SCFD2: variants seen among roughly 807,000 people sequenced by gnomAD.
SCFD2 encodes the protein sec1 family domain containing 2.
Under a neutral mutation model 58.9 loss-of-function variants are expected in SCFD2, and 54 were observed. That is an observed-to-expected ratio of 0.92 (90% CI 0.74 to 1.15). The LOEUF is 1.15. Among genes scored for constraint, SCFD2 ranks in the 50% most tolerant of loss-of-function variants. The pLI, the probability that SCFD2 is intolerant of heterozygous loss-of-function variation, is 0.00. For missense variants in SCFD2, 805 were observed against 836.6 expected, an observed-to-expected ratio of 0.96 and a Z score of 0.47; for synonymous variants, 321 against 335.9, an observed-to-expected ratio of 0.96 and a Z score of 0.49.
chr4:52,971,280 A>G (rs541414857), intron 5 of SCFD2, among the ~76,000 whole-genome samples: 8 of 152,320 alleles, frequency 5.3e-5, no homozygotes, highest in African/African-American at 1.9e-4. Context: ...AAAAAATTAG[A>G]CAAATGGCTA....
chr4:53,225,061 G>C (rs1306975552), intron 4 of SCFD2, among the ~76,000 whole-genome samples: 2 of 151,794 alleles, frequency 1.3e-5, no homozygotes, highest in Admixed American at 6.6e-5. Context: ...TTCCTAATTT[G>C]TCATTATTAT....
intron 5 of SCFD2, among the ~76,000 whole-genome samples, chr4:53,080,526 A>G (rs1243907655): frequency 6.6e-6 from 1 of 152,226 alleles, no homozygotes; most frequent in Non-Finnish European, 1.5e-5. Context: ...CTGATAATTT[A>G]CAGGTTCCAC....
intron 5 of SCFD2, among the ~76,000 whole-genome samples, chr4:52,975,042 T>C (rs1313213176): frequency 6.6e-5 from 10 of 152,150 alleles, no homozygotes; most frequent in Admixed American, 3.9e-4. Flanking sequence ...AAGACTTAAA[T>C]GTTAGACCTA....
chr4:53,305,286 A>G (rs1363942689), intron 3 of SCFD2, among the ~76,000 whole-genome samples: 1 of 152,050 alleles, frequency 6.6e-6, no homozygotes, highest in Non-Finnish European at 1.5e-5. Flanking sequence ...CACATCTTAC[A>G]TTTAGGTCTT....
At chr4:53,268,517 C>T (rs997154002) in intron 4 of SCFD2, among the ~76,000 whole-genome samples, 3 of 151,830 alleles carry the variant, frequency 2.0e-5, no homozygotes, top group Non-Finnish European at 4.4e-5. Context: ...GGACTCTGAG[C>T]GGGGTGGTGA....
intron 5 of SCFD2, chr4:52,949,832 G>A (rs889555334): frequency 3.3e-5 from 5 of 152,186 alleles, no homozygotes; most frequent in African/African-American, 4.8e-5. Flanking sequence ...CAAATTGTGA[G>A]AGTGCACAAG....
chr4:53,091,366 TAA>T (rs77318176), intron 5 of SCFD2, among the ~76,000 whole-genome samples: 49,342 of 145,626 alleles, frequency 0.34, 8,149 homozygotes, highest in Middle Eastern at 0.51. Flanking sequence ...GAAACTAGGT[TAA>T]AAAAAAAAAA....
chr4:53,248,603 G>A (rs966575651), intron 4 of SCFD2, among the ~76,000 whole-genome samples: 4 of 152,212 alleles, frequency 2.6e-5, no homozygotes, highest in Admixed American at 1.3e-4. Flanking sequence ...CTCCTCAAGT[G>A]GGTCCCTGAC....
intron 3 of SCFD2, among the ~76,000 whole-genome samples, chr4:53,283,791 C>A (rs1731577397): frequency 6.6e-6 from 1 of 151,762 alleles, no homozygotes; most frequent in Non-Finnish European, 1.5e-5. Context: ...TGTCCAGTTA[C>A]ATTTGCTTTA....
chr4:52,975,994 A>G (rs1168093584), intron 5 of SCFD2, among the ~76,000 whole-genome samples: 1 of 123,432 alleles, frequency 8.1e-6, no homozygotes, highest in African/African-American at 3.1e-5. Context: ...GGACACAGGA[A>G]GCGGAACATC....
intron 5 of SCFD2, chr4:52,957,015 G>C (rs1720727541): frequency 1.3e-5 from 2 of 152,278 alleles, no homozygotes; most frequent in African/African-American, 4.8e-5. Flanking sequence ...CAATGCTTTG[G>C]GGAACTCATG....
chr4:53,301,383 T>G (rs1214915972), intron 3 of SCFD2, among the ~76,000 whole-genome samples: 4 of 151,972 alleles, frequency 2.6e-5, no homozygotes, highest in African/African-American at 4.8e-5. Flanking sequence ...ACATACACTC[T>G]CCCAAGACTA....
chr4:53,151,621 C>T (rs1344029738), intron 4 of SCFD2, among the ~76,000 whole-genome samples: 2 of 152,136 alleles, frequency 1.3e-5, no homozygotes, highest in Non-Finnish European at 2.9e-5. Context: ...GTACACCTGC[C>T]CTTCTATGGT....
At position 53,145,399 on chromosome 4, in the gene SCFD2, T is replaced by C; in HGVS notation, c.1495A>G (p.Lys499Glu). ...CAGAAGACCTGAGCCAATGCTTTCT[T>C]GACTTTTTCTTCTGCTTCACACAGG... ...KDLCEAEEKVKKALAQVFCEE... is the reference protein window; with the variant it reads ...KDLCEAEEKVEKALAQVFCEE... Residue 499 changes from lysine to glutamate, a missense_variant, in exon 5 of 9, where the codon AAG becomes GAG. Lys to Glu is a moderately conservative substitution (Grantham distance 56, BLOSUM62 1). Around this residue, in one of 3 missense-constraint regions of SCFD2, gnomAD observed 633 missense variants for 646.8 expected, o/e 0.98. Coordinates refer to ENST00000401642, the MANE Select transcript of SCFD2 (RefSeq NM_152540.4). The C allele has an allele frequency of 6.2e-7, 1 of 1,614,180 alleles. No individual in the cohort carries two copies.
intron 5 of SCFD2, among the ~76,000 whole-genome samples, chr4:52,959,897 A>AACACACACACACACACACACACACAC (rs10529140): frequency 0.021 from 2,847 of 138,004 alleles, 61 homozygotes; most frequent in East Asian, 0.037. Context: ...TCCAAATTGA[A>AACACACACACACACACACACACACAC]ACACACACAC....
chr4:53,335,752 T>A (rs970763609), intron 2 of SCFD2, among the ~76,000 whole-genome samples: 1 of 152,066 alleles, frequency 6.6e-6, no homozygotes, highest in African/African-American at 2.4e-5. Flanking sequence ...TCAAAAAAAA[T>A]ACCAAGCAGC....
intron 5 of SCFD2, among the ~76,000 whole-genome samples, chr4:53,072,209 G>A (rs1245805900): frequency 6.6e-6 from 1 of 152,130 alleles, no homozygotes; most frequent in African/African-American, 2.4e-5. Flanking sequence ...GATGGAGAGA[G>A]AAAGGGTACT....
chr4:52,952,290 C>T (rs1017509555), intron 5 of SCFD2, among the ~76,000 whole-genome samples: 1 of 132,648 alleles, frequency 7.5e-6, no homozygotes, highest in Non-Finnish European at 1.8e-5. Flanking sequence ...CCCATCCCCT[C>T]TCACACCTCT....
At chr4:52,949,901 T>A (rs757760425) in intron 5 of SCFD2, 5 of 152,232 alleles carry the variant, frequency 3.3e-5, no homozygotes, top group Non-Finnish European at 7.3e-5. Flanking sequence ...TGACAGGGTC[T>A]TGGGCTAGCC....
Sources: allele counts gnomAD v4.1 joint callset (sites outside exome capture counted in the v4.1 genomes callset), GRCh38; gene constraint gnomAD v4.1.1; regional missense constraint gnomAD v4.1.1; transcripts MANE v1.5; gene names NCBI Gene and HGNC (gene_info 2026-07-23, HGNC 2026-07-21).